ATE1: variants seen among roughly 807,000 people sequenced by gnomAD.
ATE1 encodes arginyl-tRNA--protein transferase 1.
ATE1 carries 36 observed loss-of-function variants against 70.5 expected under a neutral mutation model. The ratio of observed to expected loss-of-function variants is 0.51; its 90% CI spans 0.39 to 0.67. The LOEUF (loss-of-function observed/expected upper bound fraction) is 0.67. ATE1 is among the 30% of genes least tolerant of loss of function. ATE1 has a pLI of 0.00. For missense variants in ATE1, 593 were observed against 629.5 expected, an observed-to-expected ratio of 0.94 and a Z score of 0.62; for synonymous variants, 232 against 219.3, an observed-to-expected ratio of 1.06 and a Z score of -0.51.
intron 11 of ATE1, among the ~76,000 whole-genome samples, chr10:121,752,326 G>A (rs955663908): frequency 2.0e-5 from 3 of 150,518 alleles, no homozygotes; most frequent in African/African-American, 4.9e-5. Flanking sequence ...CGCCTTCCGG[G>A]TTCATGCCAT....
At chr10:121,884,877 T>C (rs1448086651) in intron 7 of ATE1, among the ~76,000 whole-genome samples, 1 of 152,096 alleles carries the variant, frequency 6.6e-6, no homozygotes, top group Non-Finnish European at 1.5e-5. Flanking sequence ...GACTTAGGAG[T>C]TGCTTAAAGA....
chr10:121,900,424 G>C (rs1351859318), intron 6 of ATE1, among the ~76,000 whole-genome samples: 2 of 152,102 alleles, frequency 1.3e-5, no homozygotes, highest in African/African-American at 4.8e-5. Context: ...CTTAAAACTT[G>C]ACTGTTTGAG....
At chr10:121,884,547 G>A (rs1050813717) in intron 7 of ATE1, among the ~76,000 whole-genome samples, 6 of 151,870 alleles carry the variant, frequency 4.0e-5, no homozygotes, top group South Asian at 2.1e-4. Context: ...CTATGATGAC[G>A]ACACTGCACT....
At chr10:121,866,777 C>T (rs1949678193) in intron 8 of ATE1, among the ~76,000 whole-genome samples, 1 of 147,130 alleles carries the variant, frequency 6.8e-6, no homozygotes, top group Admixed American at 7.0e-5. Context: ...AAATGGAAGG[C>T]AGAGGCTGCA....
intron 11 of ATE1, among the ~76,000 whole-genome samples, chr10:121,763,369 A>G (rs1009493534): frequency 4.6e-5 from 7 of 152,246 alleles, no homozygotes; most frequent in African/African-American, 1.7e-4. Flanking sequence ...CATGTCCTTC[A>G]ATAGGTAAAC....
At chr10:121,873,849 T>C (rs1160780569) in intron 7 of ATE1, among the ~76,000 whole-genome samples, 1 of 152,088 alleles carries the variant, frequency 6.6e-6, no homozygotes, top group East Asian at 1.9e-4. Context: ...AAGGAAACAC[T>C]CAACACCAAA....
At chr10:121,928,242 G>T, upstream of ATE1, 1 of 1,396,234 alleles carries the variant, frequency 7.2e-7, no homozygotes, top group Non-Finnish European at 9.4e-7. Flanking sequence ...GGAGAGTCAA[G>T]AGGGGAAGGG....
At chr10:121,800,341 T>A (rs1361457113) in intron 10 of ATE1, among the ~76,000 whole-genome samples, 2 of 152,208 alleles carry the variant, frequency 1.3e-5, no homozygotes, top group Non-Finnish European at 2.9e-5. Flanking sequence ...CATCTGGGGA[T>A]GGGCTTGGCC....
intron 11 of ATE1, among the ~76,000 whole-genome samples, chr10:121,777,689 A>C (rs1038265094): frequency 1.2e-4 from 19 of 152,226 alleles, no homozygotes; most frequent in African/African-American, 3.6e-4. Flanking sequence ...TGCACTCTTG[A>C]AGATTTTCTA....
At chr10:121,885,949 C>A (rs949310234) in intron 7 of ATE1, among the ~76,000 whole-genome samples, 1 of 151,838 alleles carries the variant, frequency 6.6e-6, no homozygotes, top group East Asian at 1.9e-4. Context: ...TCAAAATGTT[C>A]GGATCTTACT....
intron 4 of ATE1, among the ~76,000 whole-genome samples, 198 bp from the exon 5 acceptor site, chr10:121,911,349 G>T (rs960463453): frequency 2.0e-5 from 3 of 151,612 alleles, no homozygotes; most frequent in African/African-American, 7.3e-5. Context: ...TGTAATTCCA[G>T]CTCTTTGGGA....
At chr10:121,847,939 C>T (rs1948898758) in intron 8 of ATE1, among the ~76,000 whole-genome samples, 1 of 151,070 alleles carries the variant, frequency 6.6e-6, no homozygotes, top group South Asian at 2.1e-4. Context: ...GGTGTGGTGG[C>T]ACGTGCCTGT....
At chr10:121,756,480 C>T (rs1354353980) in intron 11 of ATE1, among the ~76,000 whole-genome samples, 1 of 152,214 alleles carries the variant, frequency 6.6e-6, no homozygotes, top group Non-Finnish European at 1.5e-5. Flanking sequence ...TCCAATGCCA[C>T]CTTTCCCTTC....
At chr10:121,878,493 T>C (rs1182415956) in intron 7 of ATE1, among the ~76,000 whole-genome samples, 1 of 151,444 alleles carries the variant, frequency 6.6e-6, no homozygotes, top group Non-Finnish European at 1.5e-5. Context: ...CTTGGGAGGC[T>C]GAAGTACGAG....
intron 3 of ATE1, among the ~76,000 whole-genome samples, chr10:121,917,105 G>C (rs1341786033): frequency 1.3e-5 from 2 of 151,966 alleles, no homozygotes; most frequent in African/African-American, 4.8e-5. Flanking sequence ...GGAGGTTGCA[G>C]TGAACTGAGA....
At chr10:121,854,879 A>C (rs1199157824) in intron 8 of ATE1, among the ~76,000 whole-genome samples, 1 of 152,154 alleles carries the variant, frequency 6.6e-6, no homozygotes, top group African/African-American at 2.4e-5. Flanking sequence ...TCCCAGGAAA[A>C]AGTTTCCTCC....
chr10:121,865,867 G>C (rs1466113505), intron 8 of ATE1, among the ~76,000 whole-genome samples: 1 of 152,202 alleles, frequency 6.6e-6, no homozygotes, highest in Non-Finnish European at 1.5e-5. Flanking sequence ...AATTTCATTA[G>C]ATTCATGTGG....
chr10:121,917,333 T>C (rs1951702129), intron 3 of ATE1, among the ~76,000 whole-genome samples: 1 of 152,202 alleles, frequency 6.6e-6, no homozygotes, highest in South Asian at 2.1e-4. Flanking sequence ...AACTGGGATT[T>C]ATTTTCAAAA....
At chr10:121,799,234 G>A (rs943447264) in intron 10 of ATE1, among the ~76,000 whole-genome samples, 19 of 152,064 alleles carry the variant, frequency 1.2e-4, no homozygotes, top group African/African-American at 4.1e-4. Context: ...GATCAAGAAC[G>A]GGTGGTGGGC....
Sources: allele counts gnomAD v4.1 joint callset (sites outside exome capture counted in the v4.1 genomes callset), GRCh38; gene constraint gnomAD v4.1.1; transcripts MANE v1.5; gene names NCBI Gene and HGNC (gene_info 2026-07-23, HGNC 2026-07-21).